The following NTRK3 variants were observed in gnomAD, a reference collection of about 807,000 sequenced individuals.
The protein encoded by NTRK3 is neurotrophic receptor tyrosine kinase 3.
In NTRK3, 24 loss-of-function variants were observed where a neutral mutation model predicts 91.7. The observed-to-expected ratio is 0.26, with a 90% CI of 0.19 to 0.37. NTRK3 has a LOEUF of 0.37. Ranked by LOEUF, NTRK3 falls within the 10% of genes least tolerant of loss-of-function variation. The pLI, the probability that NTRK3 is intolerant of heterozygous loss-of-function variation, is 1.00. For synonymous variants in NTRK3, 483 were observed against 404.0 expected (o/e 1.20, Z -2.34); for missense variants, 880 against 1,068.9 (o/e 0.82, Z 2.46).
intron 5 of NTRK3, among the ~76,000 whole-genome samples, chr15:88,165,384 A>G (rs1020908703): frequency 6.6e-6 from 1 of 152,160 alleles, no homozygotes; most frequent in African/African-American, 2.4e-5. Flanking sequence ...TCAACTCATT[A>G]TTTCTTAGAC....
chr15:88,174,037 G>A (rs2045773149), intron 5 of NTRK3, among the ~76,000 whole-genome samples: 1 of 152,230 alleles, frequency 6.6e-6, no homozygotes, highest in Non-Finnish European at 1.5e-5. Context: ...TATGTCCCTG[G>A]AACTCACTGC....
At chr15:88,079,659 C>T (rs1331840445) in intron 13 of NTRK3, among the ~76,000 whole-genome samples, 4 of 152,142 alleles carry the variant, frequency 2.6e-5, no homozygotes, top group Non-Finnish European at 4.4e-5. Flanking sequence ...AGTGGACATG[C>T]CATTTGACTC....
chr15:87,992,105 C>T (rs1192813488), intron 14 of NTRK3, among the ~76,000 whole-genome samples: 3 of 151,994 alleles, frequency 2.0e-5, no homozygotes, highest in African/African-American at 7.3e-5. Context: ...TATTATTGTC[C>T]AATCATATCA....
At chr15:87,988,268 G>T (rs1389563353) in intron 14 of NTRK3, among the ~76,000 whole-genome samples, 1 of 152,134 alleles carries the variant, frequency 6.6e-6, no homozygotes, top group African/African-American at 2.4e-5. Context: ...TGACCATCAA[G>T]GTAATCAAGG....
chr15:88,117,352 G>C (rs1320396959), intron 13 of NTRK3, among the ~76,000 whole-genome samples: 2 of 152,170 alleles, frequency 1.3e-5, no homozygotes, highest in Non-Finnish European at 2.9e-5. Context: ...GGTACTCAAT[G>C]AATGTTTGAT....
At chr15:87,931,045 T>G in intron 16 of NTRK3, 1 of 347,468 alleles carries the variant, frequency 2.9e-6, no homozygotes, top group Non-Finnish European at 5.6e-6. Flanking sequence ...TTCTTTCTGT[T>G]TCTTCTGTAC....
rs189649021 is a variant in NTRK3 at position 88,158,272 on chromosome 15, G to A, written c.396-10869C>T. On this transcript the variant is annotated intron_variant, in intron 5 of 18. Coordinates refer to ENST00000394480, the Ensembl canonical transcript of NTRK3. ...ACCACCGAAGCCACAACGCGCCCAC[G>A]CCATTAAAACAAATACAGGAGGTCC... Among the ~76,000 whole-genome samples the A allele has an allele frequency of 8.9e-4, 135 of 152,248 alleles. 1 individual carries two copies. The highest frequency in any genetic ancestry group is 3.1e-3 in the African/African-American group (128 of 41,546).
At chr15:87,925,656 C>T (rs528134492) in intron 17 of NTRK3, 65 of 197,962 alleles carry the variant, frequency 3.3e-4, no homozygotes, top group Non-Finnish European at 6.5e-4. Context: ...AGGCCTTAGC[C>T]GATGTATACT....
chr15:88,160,029 C>T (rs557165294), intron 5 of NTRK3, among the ~76,000 whole-genome samples: 5 of 148,958 alleles, frequency 3.4e-5, no homozygotes, highest in Non-Finnish European at 3.0e-5. Context: ...GCCTAGAGGA[C>T]GACAGAGGCT....
intron 14 of NTRK3, chr15:87,977,975 T>C (rs956451357): frequency 7.2e-4 from 168 of 232,978 alleles, no homozygotes; most frequent in Non-Finnish European, 1.2e-3. Context: ...ACCACCTTTT[T>C]CCCCCACAAG....
At chr15:88,200,505 A>C (rs2048212739) in intron 3 of NTRK3, among the ~76,000 whole-genome samples, 1 of 152,118 alleles carries the variant, frequency 6.6e-6, no homozygotes, top group Non-Finnish European at 1.5e-5. Context: ...GTGGGAGGTA[A>C]TTGAATCATG....
At chr15:88,033,151 C>CT (rs1341428854) in intron 13 of NTRK3, 106 bp from the exon 14 acceptor site, 10 of 686,966 alleles carry the variant, frequency 1.5e-5, no homozygotes, top group South Asian at 3.7e-5. Flanking sequence ...CAAACATTTT[C>CT]TTTTTTTTAC....
intron 12 of NTRK3, 144 bp from the exon 13 acceptor site, chr15:88,126,517 TAGA>T (rs1415573596): frequency 3.3e-6 from 2 of 604,540 alleles, no homozygotes; most frequent in Non-Finnish European, 5.9e-6. Context: ...GTAAGGTCTT[TAGA>T]AGAAGAAATA....
At chr15:88,176,135 T>TC (rs1442299202) in intron 5 of NTRK3, among the ~76,000 whole-genome samples, 1 of 135,866 alleles carries the variant, frequency 7.4e-6, no homozygotes, top group Non-Finnish European at 1.6e-5. Flanking sequence ...ATATGCCCCT[T>TC]CTTTTTTTTT....
At chr15:88,029,428 G>A (rs1231628682) in intron 14 of NTRK3, among the ~76,000 whole-genome samples, 1 of 152,178 alleles carries the variant, frequency 6.6e-6, no homozygotes, top group East Asian at 1.9e-4. Context: ...GAGAGGACCA[G>A]CATCCTAATC....
chr15:88,227,432 G>C (rs1598060158), intron 3 of NTRK3, among the ~76,000 whole-genome samples: 1 of 152,176 alleles, frequency 6.6e-6, no homozygotes, highest in Admixed American at 6.5e-5. Flanking sequence ...GAGGTCATTA[G>C]GATGGGCCTT....
chr15:88,011,598 G>C (rs930706531), intron 14 of NTRK3, among the ~76,000 whole-genome samples: 2 of 152,134 alleles, frequency 1.3e-5, no homozygotes, highest in African/African-American at 4.8e-5. Flanking sequence ...GGTGAGTTGG[G>C]TCTATCCCTG....
chr15:88,043,969 G>T (rs948779896), intron 13 of NTRK3, among the ~76,000 whole-genome samples: 1 of 152,096 alleles, frequency 6.6e-6, no homozygotes, highest in Non-Finnish European at 1.5e-5. Flanking sequence ...AGTACACATG[G>T]AGTCATACCA....
intron 17 of NTRK3, among the ~76,000 whole-genome samples, chr15:87,921,208 C>G (rs984561816): frequency 2.0e-5 from 3 of 152,088 alleles, no homozygotes; most frequent in African/African-American, 7.2e-5. Flanking sequence ...ATAAATAGGA[C>G]GATGGTTAAA....
Sources: gnomAD v4.1 joint callset for allele counts (sites outside exome capture counted in the v4.1 genomes callset) on GRCh38, gnomAD v4.1.1 for gene constraint, MANE v1.5 for transcripts, NCBI Gene and HGNC (gene_info 2026-07-23, HGNC 2026-07-21) for gene names.